PEDS1: variants seen among roughly 807,000 people sequenced by gnomAD.
PEDS1 encodes the protein CarF homolog.
PEDS1 carries 14 observed loss-of-function variants against 35.2 expected under a neutral mutation model. The ratio of observed to expected loss-of-function variants is 0.40; its 90% CI spans 0.26 to 0.62. The LOEUF (loss-of-function observed/expected upper bound fraction) is 0.62, where lower values mean the gene tolerates loss of function less well. PEDS1 is among the 20% of genes least tolerant of loss of function. PEDS1 has a pLI of 0.44. For synonymous variants in PEDS1, 152 were observed against 152.0 expected, an observed-to-expected ratio of 1.00 and a Z score of 0.00; for missense variants, 260 against 367.8, an observed-to-expected ratio of 0.71 and a Z score of 2.40.
chr20:50,129,738 G>C lies in PEDS1; in HGVS notation c.334-48C>G, dbSNP rs1206770529. On this transcript the variant is annotated intron_variant, in intron 3 of 5. Coordinates refer to ENST00000371652, the MANE Select transcript of PEDS1 (RefSeq NM_199129.4). This position sits in a 1 kb window ranked among gnomAD's most constrained non-coding sequence, Gnocchi z 4.2. ...CCCAGCAGTCAGCCTAAGGTGGTCA[G>C]CTGCTCTCCACAGCCCCCTAAACAC... The C allele has an allele frequency of 1.9e-6, 3 of 1,607,042 alleles. No homozygotes were observed. Among genetic ancestry groups the C allele is most frequent in the Non-Finnish European group, 2.5e-6 (3 of 1,177,256 alleles).
chr20:50,130,363 G>C (rs1365108874), intron 3 of PEDS1, among the ~76,000 whole-genome samples: 1 of 152,212 alleles, frequency 6.6e-6, no homozygotes, highest in East Asian at 1.9e-4. Context: ...CACCTTATGA[G>C]GGGAAAGTAG....
rs1370237743 is a variant in PEDS1 at position 50,120,127 on chromosome 20, T to C, written c.*4931A>G. 6.7e-6 allele frequency: 1 copy of C among 150,146 alleles called. No individual in the cohort carries two copies. Among genetic ancestry groups the C allele is most frequent in the African/African-American group, 2.5e-5 (1 of 40,494 alleles). The allele number at this position is 150,146 out of a possible 1,614,324, so 9.3% of individuals were successfully genotyped here. A position where few individuals can be genotyped will look rare whatever the true frequency, so the allele number is the denominator to read the frequency against. ...AAAAAAAAAAAAAATTAGCTGGATG[T>C]GGTGGTGTCCATCTGTAGTCCTAGC... On this transcript the variant is annotated 3_prime_UTR_variant, in exon 6 of 6. Transcript: ENST00000371652.
At chr20:50,150,108 T>C (rs1421917257) in intron 1 of PEDS1, among the ~76,000 whole-genome samples, 2 of 151,996 alleles carry the variant, frequency 1.3e-5, no homozygotes, top group Admixed American at 6.5e-5. Flanking sequence ...GGGGTGGGGG[T>C]TGGGAGGGGT....
chr20:50,130,810 C>A lies in PEDS1; in HGVS notation c.333+46G>T, dbSNP rs186773145. The A allele has an allele frequency of 1.1e-5, 17 of 1,610,842 alleles. No individual in the cohort carries two copies. The East Asian group carries it at 3.8e-4, about 36-fold the overall frequency. On this transcript the variant is annotated intron_variant, in intron 3 of 5. Coordinates refer to ENST00000371652, the MANE Select transcript of PEDS1 (RefSeq NM_199129.4). ...GAAAGGGGACTCACTCAAGGCCATA[C>A]AGCCCAACCTCCTTCTTGAGGACAT...
At chr20:50,145,449 C>T (rs1042546705) in intron 1 of PEDS1, among the ~76,000 whole-genome samples, 1 of 152,068 alleles carries the variant, frequency 6.6e-6, no homozygotes, top group Admixed American at 6.5e-5. Context: ...AATCCCAGCA[C>T]CTTGGGAGGC....
At chr20:50,137,079 T>G (rs764938269) in intron 2 of PEDS1, among the ~76,000 whole-genome samples, 18 of 152,066 alleles carry the variant, frequency 1.2e-4, no homozygotes, top group Admixed American at 3.9e-4. Flanking sequence ...GTTTGTTGTT[T>G]TTTTGAGACA....
rs1225924084 is a variant in PEDS1, at chr20:50,152,246, T to C, written c.121+1271A>G. On this transcript the variant is annotated intron_variant, in intron 1 of 5. Coordinates refer to ENST00000371652, the MANE Select transcript of PEDS1 (RefSeq NM_199129.4). ...AGGAAATGCAAATGGTCCGTGGCCA[T>C]GCCGCCTTTTAAGGAAGAGACGGCA... is the stretch of plus-strand genomic sequence containing the variant. 3.3e-5 allele frequency among the ~76,000 whole-genome samples: 5 copies of C among 152,190 alleles called. No homozygotes were observed. In the East Asian group the frequency reaches 9.6e-4, roughly 29 times the overall value.
rs142604818 is a variant in PEDS1 at position 50,150,723 on chromosome 20, C to T, written c.121+2794G>A. ...TTTCTTTTTTTTTGAGACAGAGTCT[C>T]GCTCTGTCATCCAGGCTGGAATGCA... On this transcript the variant is annotated intron_variant, in intron 1 of 5. Transcript: ENST00000371652. Among the ~76,000 whole-genome samples, 734 of 151,866 alleles carry T rather than the reference C, an allele frequency of 4.8e-3. 7 individuals are homozygous for T. The highest frequency in any genetic ancestry group is 0.016 in the African/African-American group (681 of 41,354).
intron 5 of PEDS1, among the ~76,000 whole-genome samples, chr20:50,127,768 G>A (rs2081125183): frequency 6.6e-6 from 1 of 152,216 alleles, no homozygotes; most frequent in South Asian, 2.1e-4. Context: ...CGAGGGAGAG[G>A]GCTTTGTCAG....
intron 1 of PEDS1, among the ~76,000 whole-genome samples, chr20:50,144,412 C>G (rs2081326067): frequency 6.6e-6 from 1 of 152,196 alleles, no homozygotes; most frequent in Non-Finnish European, 1.5e-5. Flanking sequence ...CAAGCAGGCT[C>G]CAGACAATGA....
chr20:50,137,960 C>G (rs2081253804), intron 2 of PEDS1, among the ~76,000 whole-genome samples: 2 of 152,162 alleles, frequency 1.3e-5, no homozygotes, highest in Non-Finnish European at 2.9e-5. Context: ...GATCCAGGAA[C>G]AGAAGAAGGA....
Position 50,124,905 on chromosome 20 carries a change from C to A in PEDS1, c.*153G>T. ...ATGAAAAATCAGTGGCTCAAGTATT[C>A]TGTGTCATGAGGGGTGGGCTGGGGT... On this transcript the variant is annotated 3_prime_UTR_variant, in exon 6 of 6. Coordinates refer to ENST00000371652, the MANE Select transcript of PEDS1 (RefSeq NM_199129.4). 1 of 923,806 alleles carries A rather than the reference C, an allele frequency of 1.1e-6. No homozygotes were observed. The highest frequency in any genetic ancestry group is 1.6e-6 in the Non-Finnish European group (1 of 614,568). The allele number at this position is 923,806 out of a possible 1,614,324, so 57.2% of individuals were successfully genotyped here. A position where few individuals can be genotyped will look rare whatever the true frequency, so the allele number is the denominator to read the frequency against.
chr20:50,131,427 G>A (rs2147276862), intron 2 of PEDS1, among the ~76,000 whole-genome samples: 1 of 152,156 alleles, frequency 6.6e-6, no homozygotes, highest in East Asian at 1.9e-4. Flanking sequence ...TTCGAGAATA[G>A]CCTGACCAAT....
rs2081082999 is a variant in PEDS1, at chr20:50,124,889, C to T, written c.*169G>A. ...AAAAAAAAAAAAAGAAATGAAAAAT[C>T]AGTGGCTCAAGTATTCTGTGTCATG... On this transcript the variant is annotated 3_prime_UTR_variant, in exon 6 of 6. Coordinates refer to ENST00000371652, the MANE Select transcript of PEDS1 (RefSeq NM_199129.4). 1.3e-6 allele frequency: 1 copy of T among 797,442 alleles called. No individual in the cohort carries two copies. The highest frequency in any genetic ancestry group is 1.9e-6 in the Non-Finnish European group (1 of 520,576). 49.4% of individuals were successfully genotyped at this position (797,442 alleles called of 1,614,324 possible).
chr20:50,140,791 A>AT (rs2081284731), intron 2 of PEDS1, among the ~76,000 whole-genome samples: 1 of 151,944 alleles, frequency 6.6e-6, no homozygotes, highest in African/African-American at 2.4e-5. Flanking sequence ...CTCTGGGGAG[A>AT]TAGGGGTAGG....
intron 2 of PEDS1, among the ~76,000 whole-genome samples, chr20:50,137,917 T>A (rs1487465771): frequency 6.6e-6 from 1 of 152,032 alleles, no homozygotes; most frequent in Admixed American, 6.6e-5. Flanking sequence ...TAAAGGGACA[T>A]GACAACTAAA....
chr20:50,129,527 C>T lies in PEDS1; in HGVS notation c.478+19G>A, dbSNP rs1350780825. 1 of 1,613,938 alleles carries T rather than the reference C, an allele frequency of 6.2e-7. No homozygotes were observed. The highest frequency in any genetic ancestry group is 8.5e-7 in the Non-Finnish European group (1 of 1,179,920). ...CCCCCAAGGCCCCCTCCCAGCCCAC[C>T]ACTAGCTGGGTGTCTCACCAGGGCT... On this transcript the variant is annotated intron_variant, in intron 4 of 5. Transcript: ENST00000371652. This position sits in a 1 kb window ranked among gnomAD's most constrained non-coding sequence, Gnocchi z 4.2.
chr20:50,138,922 G>A (rs750618558), intron 2 of PEDS1, among the ~76,000 whole-genome samples: 3 of 152,246 alleles, frequency 2.0e-5, no homozygotes, highest in African/African-American at 2.4e-5. Flanking sequence ...GGGCCCGTGC[G>A]GGCTTCCATT....
At chr20:50,149,578 A>G (rs1219916582) in intron 1 of PEDS1, among the ~76,000 whole-genome samples, 1 of 152,144 alleles carries the variant, frequency 6.6e-6, no homozygotes, top group African/African-American at 2.4e-5. Flanking sequence ...CTGCAGGACC[A>G]GGGCTCAACC....
Sources: gnomAD v4.1 joint callset for allele counts (sites outside exome capture counted in the v4.1 genomes callset) on GRCh38, gnomAD v4.1.1 for gene constraint, Gnocchi (gnomAD v3.1) non-coding constraint, MANE v1.5 for transcripts, NCBI Gene and HGNC (gene_info 2026-07-23, HGNC 2026-07-21) for gene names.